The following DAB1 variants were observed in gnomAD, a reference collection of about 807,000 sequenced individuals.
DAB1 encodes disabled homolog 1.
Under a neutral mutation model 64.6 loss-of-function variants are expected in DAB1, and 15 were observed. The observed-to-expected ratio is 0.23, with a 90% CI of 0.16 to 0.36. The LOEUF (loss-of-function observed/expected upper bound fraction) is 0.36. Among genes scored for constraint, DAB1 ranks in the 10% least tolerant of loss-of-function variants. The probability of loss-of-function intolerance (pLI) is 1.00; values close to 1 mark genes in which losing one functional copy is unlikely to be tolerated. For missense variants in DAB1, 596 were observed against 706.7 expected (o/e 0.84, Z 1.78); for synonymous variants, 235 against 251.9 (o/e 0.93, Z 0.64).
intron 1 of DAB1, chr1:58,539,456 A>G: frequency 1.7e-6 from 1 of 585,382 alleles, no homozygotes; most frequent in Non-Finnish European, 3.0e-6. Context: ...TCACCCCTAG[A>G]GCAACGCCTT....
At chr1:58,247,382 A>T (rs949158664) in intron 4 of DAB1, among the ~76,000 whole-genome samples, 1 of 152,024 alleles carries the variant, frequency 6.6e-6, no homozygotes, top group Non-Finnish European at 1.5e-5. Flanking sequence ...TGAGAAACCC[A>T]GCCTGTCCAA....
intron 6 of DAB1, among the ~76,000 whole-genome samples, chr1:57,775,969 C>G (rs961388226): frequency 6.6e-6 from 1 of 151,272 alleles, no homozygotes; most frequent in African/African-American, 2.4e-5. Flanking sequence ...TAGTATTTAT[C>G]CCTGGTAAAA....
At chr1:57,903,162 C>A (rs763295934) in intron 5 of DAB1, among the ~76,000 whole-genome samples, 10 of 152,146 alleles carry the variant, frequency 6.6e-5, no homozygotes, top group Middle Eastern at 3.2e-3. Context: ...CAGGTCCCTC[C>A]CATGACACGT....
chr1:58,387,473 A>C (rs1046844136), intron 3 of DAB1, among the ~76,000 whole-genome samples: 4 of 152,190 alleles, frequency 2.6e-5, no homozygotes, highest in Non-Finnish European at 4.4e-5. Context: ...CAATGGCCCA[A>C]GACAAAGTTC....
intron 5 of DAB1, among the ~76,000 whole-genome samples, chr1:57,922,181 A>G (rs2102024113): frequency 6.6e-6 from 1 of 152,302 alleles, no homozygotes; most frequent in Non-Finnish European, 1.5e-5. Context: ...TCCCATCATT[A>G]GAAAGCAAAC....
intron 3 of DAB1, among the ~76,000 whole-genome samples, chr1:58,437,419 G>A (rs558677593): frequency 3.3e-5 from 5 of 152,266 alleles, no homozygotes; most frequent in East Asian, 3.9e-4. Context: ...AGAACAACAC[G>A]GAAGAGCCTC....
chr1:57,976,417 G>A lies in DAB1; in HGVS notation n.388-92255C>T, dbSNP rs568426850. Among the ~76,000 whole-genome samples, 51 of 152,208 alleles carry A rather than the reference G, an allele frequency of 3.4e-4. No homozygotes were observed. The Middle Eastern group carries it at 0.014, about 41-fold the overall frequency. On this transcript the variant is annotated intron_variant and non_coding_transcript_variant, in intron 5 of 20. Transcript: ENST00000485760. ...CAAACTGCTGTATGCAGCTTTGCTC[G>A]ACTGCCATCTGCTTTTCCAGTATGC...
intron 2 of DAB1, among the ~76,000 whole-genome samples, chr1:57,160,793 A>T (rs945774420): frequency 5.9e-5 from 9 of 152,176 alleles, no homozygotes; most frequent in Admixed American, 2.6e-4. Context: ...AATAATGCTT[A>T]CCTTGCAGGA....
intron 5 of DAB1, among the ~76,000 whole-genome samples, chr1:57,072,056 C>T: frequency 7.3e-6 from 1 of 136,270 alleles, no homozygotes; most frequent in Non-Finnish European, 1.6e-5. Flanking sequence ...TAGGAAATAC[C>T]CATTAGTTAA....
At chr1:57,011,525 C>A (rs950802298) in intron 12 of DAB1, among the ~76,000 whole-genome samples, 28 of 152,186 alleles carry the variant, frequency 1.8e-4, no homozygotes, top group African/African-American at 6.3e-4. Flanking sequence ...GGTCCTTGGA[C>A]AAGCAGCAGC....
chr1:57,268,630 G>A (rs1199044685), intron 2 of DAB1, among the ~76,000 whole-genome samples: 1 of 152,190 alleles, frequency 6.6e-6, no homozygotes. Context: ...TAAATGACTT[G>A]TAATAAAATA....
At chr1:57,134,322 T>G (rs1407812000) in intron 4 of DAB1, among the ~76,000 whole-genome samples, 1 of 152,068 alleles carries the variant, frequency 6.6e-6, no homozygotes, top group Admixed American at 6.6e-5. Context: ...CGGTGGCTCA[T>G]GCCTGTAATC....
intron 4 of DAB1, among the ~76,000 whole-genome samples, chr1:58,155,640 C>A (rs954422980): frequency 2.0e-5 from 3 of 152,106 alleles, no homozygotes; most frequent in African/African-American, 7.2e-5. Flanking sequence ...AGCTAAGTGC[C>A]AATAACTTAG....
intron 2 of DAB1, among the ~76,000 whole-genome samples, chr1:57,251,361 A>C (rs1484368759): frequency 1.3e-5 from 2 of 152,190 alleles, no homozygotes; most frequent in African/African-American, 4.8e-5. Flanking sequence ...GTGTCCTTAG[A>C]ACTTATTGAA....
chr1:57,664,342 G>A (rs1260588515), intron 6 of DAB1, among the ~76,000 whole-genome samples: 2 of 152,136 alleles, frequency 1.3e-5, no homozygotes, highest in African/African-American at 4.8e-5. Flanking sequence ...ATATATTCAA[G>A]TAACTCTTAG....
chr1:58,354,611 G>T (rs190517238), intron 3 of DAB1, among the ~76,000 whole-genome samples: 3 of 152,224 alleles, frequency 2.0e-5, no homozygotes, highest in Admixed American at 1.3e-4. Flanking sequence ...TCTCTTATGT[G>T]TCTGAGAGGG....
chr1:57,443,630 T>C (rs974879512), intron 7 of DAB1, among the ~76,000 whole-genome samples: 3 of 152,192 alleles, frequency 2.0e-5, no homozygotes, highest in Non-Finnish European at 4.4e-5. Context: ...ATCCCCATAT[T>C]ATGAGCACAC....
intron 4 of DAB1, among the ~76,000 whole-genome samples, chr1:58,156,216 T>C (rs1206800345): frequency 1.3e-5 from 2 of 152,226 alleles, no homozygotes; most frequent in African/African-American, 4.8e-5. Flanking sequence ...TTCTCCATTT[T>C]TGAATGAGAA....
intron 7 of DAB1, among the ~76,000 whole-genome samples, chr1:57,472,906 A>C (rs12752978): frequency 0.31 from 46,832 of 152,130 alleles, 8,471 homozygotes; most frequent in Non-Finnish European, 0.43. Context: ...GCAGCAAAAA[A>C]TGCACTAAAA....
Sources: gnomAD v4.1 joint callset for allele counts (sites outside exome capture counted in the v4.1 genomes callset) on GRCh38, gnomAD v4.1.1 for gene constraint, MANE v1.5 for transcripts, NCBI Gene and HGNC (gene_info 2026-07-23, HGNC 2026-07-21) for gene names.